Variants in KCNJ6 observed in about 807,000 individuals in gnomAD.
The protein encoded by KCNJ6 is G protein-activated inward rectifier potassium channel 2.
A neutral mutation model predicts 34.2 loss-of-function variants in KCNJ6; 9 were observed. That is an observed-to-expected ratio of 0.26 (90% confidence interval 0.16 to 0.46). KCNJ6 has a LOEUF of 0.46. KCNJ6 is among the 20% of genes least tolerant of loss of function. KCNJ6 has a pLI of 1.00. For missense variants in KCNJ6, 236 were observed against 531.3 expected, an observed-to-expected ratio of 0.44 and a Z score of 5.46; for synonymous variants, 196 against 207.1, an observed-to-expected ratio of 0.95 and a Z score of 0.46.
intron 2 of KCNJ6, among the ~76,000 whole-genome samples, chr21:37,805,384 A>G (rs1308065709): frequency 6.6e-6 from 1 of 151,678 alleles, no homozygotes; most frequent in African/African-American, 2.4e-5. Context: ...TTTAGTAAAG[A>G]TGATGATAAA....
intron 2 of KCNJ6, among the ~76,000 whole-genome samples, chr21:37,808,350 C>G (rs925704882): frequency 5.3e-5 from 8 of 152,164 alleles, no homozygotes; most frequent in African/African-American, 1.9e-4. Flanking sequence ...GCTAAAGAAT[C>G]ATAATCTGCC....
chr21:37,785,345 A>G (rs2055187970), intron 2 of KCNJ6, among the ~76,000 whole-genome samples: 1 of 152,216 alleles, frequency 6.6e-6, no homozygotes, highest in Non-Finnish European at 1.5e-5. Flanking sequence ...ATTTTAGACA[A>G]GCACTGCTTA....
In KCNJ6 at chr21:37,610,913, G is replaced by A. The variant is rs1461197228; in HGVS notation, c.*14246C>T. 1 of 151,990 alleles carries A rather than the reference G, an allele frequency of 6.6e-6. No individual in the cohort carries two copies. The highest frequency in any genetic ancestry group is 2.4e-5 in the African/African-American group (1 of 41,396). 9.4% of individuals were successfully genotyped at this position (151,990 alleles called of 1,614,324 possible). A position where few individuals can be genotyped will look rare whatever the true frequency, so the allele number is the denominator to read the frequency against. ...AGAAGATCTGAAATCAATCATTTAA[G>A]TTTCCATTTTAAAAAAGTAGAAAAA... On this transcript the variant is annotated 3_prime_UTR_variant, in exon 4 of 4. Transcript: ENST00000609713.
At chr21:37,891,760 G>A (rs938024510) in intron 1 of KCNJ6, among the ~76,000 whole-genome samples, 3 of 152,246 alleles carry the variant, frequency 2.0e-5, no homozygotes, top group East Asian at 1.9e-4. Context: ...TGCCAAAGTC[G>A]ATCATTTGAG....
At chr21:37,678,775 G>A (rs2054578200) in intron 3 of KCNJ6, among the ~76,000 whole-genome samples, 1 of 152,172 alleles carries the variant, frequency 6.6e-6, no homozygotes, top group Admixed American at 6.5e-5. Flanking sequence ...GTAAACTCAG[G>A]GAGCACCTAC....
Position 37,619,821 on chromosome 21 carries a change from G to A in KCNJ6, c.*5338C>T, listed in dbSNP as rs2835841. 0.071 allele frequency: 10,782 copies of A among 152,248 alleles called. 571 individuals carry two copies. The highest frequency in any genetic ancestry group is 0.14 in the Middle Eastern group (42 of 292). 9.4% of individuals were successfully genotyped at this position (152,248 alleles called of 1,614,324 possible). Reference sequence around the variant, plus strand: ...GGTGCCACTGAAGCAATATTTCAGCGGCTGGGCTGGGAATGCCCATTTCTC... The same window carrying A: ...GGTGCCACTGAAGCAATATTTCAGCAGCTGGGCTGGGAATGCCCATTTCTC... On this transcript the variant is annotated 3_prime_UTR_variant, in exon 4 of 4. Transcript: ENST00000609713.
chr21:37,724,745 G>C (rs961596727), intron 2 of KCNJ6, among the ~76,000 whole-genome samples: 1 of 152,178 alleles, frequency 6.6e-6, no homozygotes, highest in African/African-American at 2.4e-5. Context: ...TAGAGCTGAG[G>C]GCGACCTGGA....
chr21:37,894,619 G>A (rs892707532), intron 1 of KCNJ6, among the ~76,000 whole-genome samples: 4 of 151,972 alleles, frequency 2.6e-5, no homozygotes, highest in South Asian at 2.1e-4. Context: ...AGCTGAGTTC[G>A]TGCCACTGCA....
At chr21:37,698,657 T>C (rs2054674994) in intron 3 of KCNJ6, among the ~76,000 whole-genome samples, 1 of 151,916 alleles carries the variant, frequency 6.6e-6, no homozygotes, top group Admixed American at 6.6e-5. Flanking sequence ...CCAGCCTCTC[T>C]AGTAGCTGAG....
intron 2 of KCNJ6, among the ~76,000 whole-genome samples, chr21:37,791,163 C>T (rs2123521954): frequency 6.6e-6 from 1 of 152,324 alleles, no homozygotes; most frequent in South Asian, 2.1e-4. Flanking sequence ...CATGGGAGGA[C>T]CTGCGTCCTT....
rs2054280752 is a variant in KCNJ6, at chr21:37,618,603, C to T, written c.*6556G>A. 1.3e-5 allele frequency: 2 copies of T among 152,130 alleles called. No homozygotes were observed. Among genetic ancestry groups the T allele is most frequent in the South Asian group, 2.1e-4 (1 of 4,822 alleles). 9.4% of individuals were successfully genotyped at this position (152,130 alleles called of 1,614,324 possible). ...CTTGAAATGGGCAATTACACAAAGT[C>T]GGTAGGAACATTTCATTCTCTGAAA... On this transcript the variant is annotated 3_prime_UTR_variant, in exon 4 of 4. Transcript: ENST00000609713.
chr21:37,756,847 G>T, intron 2 of KCNJ6, among the ~76,000 whole-genome samples: 1 of 142,400 alleles, frequency 7.0e-6, no homozygotes, highest in Admixed American at 7.1e-5. Flanking sequence ...AGCCCAGAGT[G>T]AGCACTCTCT....
rs962592373 is a variant in KCNJ6 at position 37,854,010 on chromosome 21, A to G, written c.-27-13301T>C. Among the ~76,000 whole-genome samples the G allele has an allele frequency of 6.6e-5, 10 of 151,562 alleles. No homozygotes were observed. In the East Asian group the frequency reaches 1.9e-3, roughly 29 times the overall value. On this transcript the variant is annotated intron_variant, in intron 1 of 3. Transcript: ENST00000609713. ...GTTGAAATAACCCACAGAATTTCAG[A>G]AAAAAACCCCAGAGAATCACAAAAC...
intron 3 of KCNJ6, among the ~76,000 whole-genome samples, chr21:37,694,676 T>C (rs1008824042): frequency 6.6e-6 from 1 of 152,194 alleles, no homozygotes; most frequent in East Asian, 1.9e-4. Context: ...AGAATAGAAG[T>C]ACTTTGCGTA....
chr21:37,678,214 C>T (rs2054575472), intron 3 of KCNJ6, among the ~76,000 whole-genome samples: 1 of 152,038 alleles, frequency 6.6e-6, no homozygotes, highest in African/African-American at 2.4e-5. Flanking sequence ...TATCTAGAAG[C>T]GACAGCTAGT....
At chr21:37,909,274 A>G (rs1272021502) in intron 1 of KCNJ6, among the ~76,000 whole-genome samples, 1 of 152,238 alleles carries the variant, frequency 6.6e-6, no homozygotes, top group African/African-American at 2.4e-5. Flanking sequence ...ACACAGGCTC[A>G]TCAAGAACTG....
intron 1 of KCNJ6, among the ~76,000 whole-genome samples, chr21:37,841,709 A>G (rs1051562287): frequency 2.6e-5 from 4 of 152,100 alleles, no homozygotes; most frequent in South Asian, 4.1e-4. Context: ...ACTTAACATC[A>G]TATCATGTAT....
Position 37,720,102 on chromosome 21 carries a change from T to TGG in KCNJ6, c.26-4973_26-4972dup, listed in dbSNP as rs35985240. On this transcript the variant is annotated intron_variant, in intron 2 of 3. Coordinates refer to ENST00000609713, the MANE Select transcript of KCNJ6 (RefSeq NM_002240.5). The stretch of plus-strand genomic sequence containing the variant: ...TGAATGTTAATAGGGCAATTTTGGG[T>TGG]GGGGGGGTTCATGAGTACTTTTAAT... Among the ~76,000 whole-genome samples the TGG allele has an allele frequency of 2.6e-3, 397 of 151,690 alleles. 3 individuals are homozygous for TGG. Among genetic ancestry groups the TGG allele is most frequent in the South Asian group, 7.9e-3 (38 of 4,786 alleles).
intron 2 of KCNJ6, among the ~76,000 whole-genome samples, chr21:37,735,126 T>A (rs1196283281): frequency 6.6e-6 from 1 of 151,994 alleles, no homozygotes; most frequent in East Asian, 1.9e-4. Context: ...CCCTTCCCCT[T>A]GCCTCAGTAG....
Sources: gnomAD v4.1 joint callset for allele counts (sites outside exome capture counted in the v4.1 genomes callset) on GRCh38, gnomAD v4.1.1 for gene constraint, MANE v1.5 for transcripts, NCBI Gene and HGNC (gene_info 2026-07-23, HGNC 2026-07-21) for gene names.